The following KCNQ1 variants were observed in gnomAD, a reference collection of about 807,000 sequenced individuals.
KCNQ1 encodes potassium voltage-gated channel subfamily KQT member 1.
KCNQ1 carries 49 observed loss-of-function variants against 72.4 expected under a neutral mutation model. The observed-to-expected ratio is 0.68, with a 90% CI of 0.54 to 0.86. The LOEUF (loss-of-function observed/expected upper bound fraction) is 0.86. Among genes scored for constraint, KCNQ1 ranks in the 40% least tolerant of loss-of-function variants. The pLI, the probability that KCNQ1 is intolerant of heterozygous loss-of-function variation, is 0.00. For synonymous variants in KCNQ1, 450 were observed against 412.6 expected (o/e 1.09, Z -1.10); for missense variants, 790 against 945.1 (o/e 0.84, Z 2.15).
chr11:2,754,615 T>C (rs1299063363), intron 11 of KCNQ1, among the ~76,000 whole-genome samples: 1 of 152,172 alleles, frequency 6.6e-6, no homozygotes, highest in African/African-American at 2.4e-5. Context: ...CAAGGAGGTG[T>C]TGCAGGTTGC....
At chr11:2,533,454 T>C (rs1169457977) in intron 2 of KCNQ1, among the ~76,000 whole-genome samples, 1 of 152,208 alleles carries the variant, frequency 6.6e-6, no homozygotes, top group Non-Finnish European at 1.5e-5. Flanking sequence ...CCAACCTGGC[T>C]TCTGAATTCA....
intron 15 of KCNQ1, among the ~76,000 whole-genome samples, chr11:2,786,557 T>A (rs987283463): frequency 1.0e-4 from 15 of 150,420 alleles, no homozygotes; most frequent in African/African-American, 2.9e-4. Context: ...GTAGACCACC[T>A]CACTCCCCTT....
chr11:2,555,764 G>A (rs1231149511), intron 2 of KCNQ1, among the ~76,000 whole-genome samples: 2 of 152,224 alleles, frequency 1.3e-5, no homozygotes, highest in African/African-American at 4.8e-5. Context: ...TCATCGGCCT[G>A]GAGTGCCTCC....
chr11:2,726,719 T>C (rs1180543530), intron 11 of KCNQ1, among the ~76,000 whole-genome samples: 2 of 152,246 alleles, frequency 1.3e-5, no homozygotes, highest in African/African-American at 4.8e-5. Flanking sequence ...AGGAGCTGAC[T>C]TTAATACGGG....
intron 1 of KCNQ1, among the ~76,000 whole-genome samples, chr11:2,512,312 C>T (rs1255838740): frequency 6.6e-6 from 1 of 152,222 alleles, no homozygotes; most frequent in Non-Finnish European, 1.5e-5. Context: ...GCATCCTCCC[C>T]GTCGATGCCT....
chr11:2,731,368 T>A (rs1845856082), intron 11 of KCNQ1, among the ~76,000 whole-genome samples: 1 of 152,208 alleles, frequency 6.6e-6, no homozygotes, highest in African/African-American at 2.4e-5. Context: ...CCCTCGGGAA[T>A]TCAGGCCTTG....
intron 11 of KCNQ1, chr11:2,665,516 C>T (rs755964468): frequency 2.5e-6 from 1 of 394,202 alleles, no homozygotes; most frequent in Non-Finnish European, 4.4e-6. Context: ...CGTGTGGTAA[C>T]CTGCCATCTA....
At chr11:2,838,221 T>C (rs187037961) in intron 15 of KCNQ1, among the ~76,000 whole-genome samples, 4 of 152,186 alleles carry the variant, frequency 2.6e-5, no homozygotes, top group African/African-American at 9.6e-5. Flanking sequence ...CTCACGTGGC[T>C]CACAGCCACT....
rs550844043 is a variant in KCNQ1 at position 2,547,326 on chromosome 11, G to A, written c.477+19308G>A. On this transcript the variant is annotated intron_variant, in intron 2 of 15. Transcript: ENST00000155840. The surrounding 1 kb of genome is among the most constrained non-coding windows in gnomAD (Gnocchi z 4.2). ...CTCACTGAAACCCCCATCTCCCAGG[G>A]TTTAAGTGATTTTCGTGCCTCAGCC... Among the ~76,000 whole-genome samples, 3 of 152,134 alleles carry A rather than the reference G, an allele frequency of 2.0e-5. No homozygotes were observed. Among genetic ancestry groups the A allele is most frequent in the Non-Finnish European group, 4.4e-5 (3 of 68,018 alleles).
chr11:2,619,712 ATT>A lies in KCNQ1; in HGVS notation c.1393+30870_1393+30871del, dbSNP rs35618307. On this transcript the variant is annotated intron_variant, in intron 10 of 15. Transcript: ENST00000155840. ...GTTAGGAAGTATTCCCTTTAGCTGC[ATT>A]TTTTTTTTTTTGGAAGTATTCCCTA... 1,172 of 367,910 alleles carry A rather than the reference ATT, an allele frequency of 3.2e-3. 3 individuals are homozygous for A. Among genetic ancestry groups the A allele is most frequent in the African/African-American group, 0.022 (1,002 of 45,016 alleles). The allele number at this position is 367,910 out of a possible 1,614,324, so 22.8% of individuals were successfully genotyped here. A position where few individuals can be genotyped will look rare whatever the true frequency, so the allele number is the denominator to read the frequency against.
chr11:2,659,914 G>A lies in KCNQ1; in HGVS notation c.1394-2047G>A, dbSNP rs1381522325. 5.0e-6 allele frequency: 2 copies of A among 398,192 alleles called. No homozygotes were observed. The highest frequency in any genetic ancestry group is 8.8e-5 in the Admixed American group (2 of 22,702). The allele number at this position is 398,192 out of a possible 1,614,324, so 24.7% of individuals were successfully genotyped here. On this transcript the variant is annotated intron_variant, in intron 10 of 15. Coordinates refer to ENST00000155840, the MANE Select transcript of KCNQ1 (RefSeq NM_000218.3). The surrounding 1 kb of genome is among the most constrained non-coding windows in gnomAD (Gnocchi z 4.3). ...TGTTCACTTTATTGTCAAGTTGTAA[G>A]CATTCTTTATATATTCTGAGTGCAA... is the stretch of plus-strand genomic sequence containing the variant.
Position 2,668,124 on chromosome 11 carries a change from AGCC to A in KCNQ1, c.1514+6044_1514+6046del. 1 of 398,652 alleles carries A rather than the reference AGCC, an allele frequency of 2.5e-6. No homozygotes were observed. Among genetic ancestry groups the A allele is most frequent in the South Asian group, 1.3e-4 (1 of 7,856 alleles). 24.7% of individuals were successfully genotyped at this position (398,652 alleles called of 1,614,324 possible). The stretch of plus-strand genomic sequence containing the variant: ...TCCCTCACTCAATTTGATGTCTGGC[AGCC>A]TCTCTATGGGGCTGAAGGGAGAGTG... On this transcript the variant is annotated intron_variant, in intron 11 of 15. Transcript: ENST00000155840. The surrounding 1 kb of genome is among the most constrained non-coding windows in gnomAD (Gnocchi z 4.3).
Position 2,668,894 on chromosome 11 carries a change from A to G in KCNQ1, c.1514+6813A>G. 1 of 398,602 alleles carries G rather than the reference A, an allele frequency of 2.5e-6. No individual in the cohort carries two copies. Among genetic ancestry groups the G allele is most frequent in the Non-Finnish European group, 4.4e-6 (1 of 226,062 alleles). 24.7% of individuals were successfully genotyped at this position (398,602 alleles called of 1,614,324 possible). The stretch of plus-strand genomic sequence containing the variant: ...TTGACTACTCCAAGGTCATAAAGAT[A>G]TTCTGGTTTATTCTAAAGCTTTATT... On this transcript the variant is annotated intron_variant, in intron 11 of 15. Coordinates refer to ENST00000155840, the MANE Select transcript of KCNQ1 (RefSeq NM_000218.3). This position sits in a 1 kb window ranked among gnomAD's most constrained non-coding sequence, Gnocchi z 4.3.
Position 2,659,355 on chromosome 11 carries a change from A to G in KCNQ1, c.1394-2606A>G, listed in dbSNP as rs1463175580. 5.0e-6 allele frequency: 2 copies of G among 398,466 alleles called. No individual in the cohort carries two copies. Among genetic ancestry groups the G allele is most frequent in the Non-Finnish European group, 8.8e-6 (2 of 226,050 alleles). 24.7% of individuals were successfully genotyped at this position (398,466 alleles called of 1,614,324 possible). On this transcript the variant is annotated intron_variant, in intron 10 of 15. Coordinates refer to ENST00000155840, the MANE Select transcript of KCNQ1 (RefSeq NM_000218.3). This position sits in a 1 kb window ranked among gnomAD's most constrained non-coding sequence, Gnocchi z 4.3. ...TGTCCTATAAATGGGATCCTATAAT[A>G]TGTATTCTTTTGCATCTGGCTTCTT...
intron 11 of KCNQ1, among the ~76,000 whole-genome samples, chr11:2,731,975 G>A (rs1040376118): frequency 6.6e-6 from 1 of 152,236 alleles, no homozygotes; most frequent in Admixed American, 6.5e-5. Context: ...TGCCAGCAGG[G>A]GACCAGCGAG....
At chr11:2,732,856 G>A (rs550485752) in intron 11 of KCNQ1, among the ~76,000 whole-genome samples, 4 of 152,096 alleles carry the variant, frequency 2.6e-5, no homozygotes, top group Admixed American at 6.5e-5. Context: ...CTGCCCTGGC[G>A]GTCTCCCCTG....
intron 11 of KCNQ1, among the ~76,000 whole-genome samples, chr11:2,719,307 A>G (rs886162948): frequency 1.3e-5 from 2 of 148,640 alleles, no homozygotes; most frequent in Admixed American, 6.7e-5. Flanking sequence ...CAGCCTGGGC[A>G]GTATAACGAG....
rs1846831601 is a variant in KCNQ1, at chr11:2,781,988, C to T, written c.1794+3951C>T. 6.6e-6 allele frequency among the ~76,000 whole-genome samples: 1 copy of T among 152,164 alleles called. No homozygotes were observed. Among genetic ancestry groups the T allele is most frequent in the Non-Finnish European group, 1.5e-5 (1 of 68,028 alleles). On this transcript the variant is annotated intron_variant, in intron 15 of 15. Coordinates refer to ENST00000155840, the MANE Select transcript of KCNQ1 (RefSeq NM_000218.3). This position sits in a 1 kb window ranked among gnomAD's most constrained non-coding sequence, Gnocchi z 6.6. ...CCCTGCCCATGCCTTTACCAAGCTTCGTGCATGACCCCAACCTCCAGGATG... is the reference window on the plus strand; with the variant it reads ...CCCTGCCCATGCCTTTACCAAGCTTTGTGCATGACCCCAACCTCCAGGATG...
intron 10 of KCNQ1, chr11:2,625,019 G>A (rs1287201166): frequency 2.5e-6 from 1 of 398,532 alleles, no homozygotes. Context: ...TGTTTTAACT[G>A]TTGTAAATAA....
Sources: allele counts gnomAD v4.1 joint callset (sites outside exome capture counted in the v4.1 genomes callset), GRCh38; gene constraint gnomAD v4.1.1; non-coding constraint Gnocchi (gnomAD v3.1); transcripts MANE v1.5; gene names NCBI Gene and HGNC (gene_info 2026-07-23, HGNC 2026-07-21).